Variants in MAF observed in about 807,000 individuals in gnomAD.
MAF encodes the protein transcription factor Maf.
In MAF, 10 loss-of-function variants were observed where a neutral mutation model predicts 22.0. That is an observed-to-expected ratio of 0.45 (90% CI 0.28 to 0.77). MAF has a LOEUF of 0.77. MAF is among the 30% of genes least tolerant of loss of function. The pLI, the probability that MAF is intolerant of heterozygous loss-of-function variation, is 0.12. For synonymous variants in MAF, 337 were observed against 255.8 expected, an observed-to-expected ratio of 1.32 and a Z score of -3.03; for missense variants, 544 against 548.4, an observed-to-expected ratio of 0.99 and a Z score of 0.08.
the MAF span, among the ~76,000 whole-genome samples, chr16:79,255,255 T>C: frequency 6.6e-6 from 1 of 152,252 alleles, no homozygotes; most frequent in African/African-American, 2.4e-5. Flanking sequence ...GCTTTGCCTT[T>C]TCTGTGAAAT....
the MAF span, among the ~76,000 whole-genome samples, chr16:79,325,847 G>A: frequency 1.6e-4 from 24 of 152,282 alleles, no homozygotes; most frequent in East Asian, 4.6e-3. Flanking sequence ...CAGAAGATAC[G>A]TGAAATGATA....
At chr16:79,227,745 CAAAAT>C in the MAF span, among the ~76,000 whole-genome samples, 1 of 151,668 alleles carries the variant, frequency 6.6e-6, no homozygotes, top group African/African-American at 2.4e-5. Flanking sequence ...CATTGGAAAA[CAAAAT>C]AATACATTTT....
the MAF span, among the ~76,000 whole-genome samples, chr16:79,397,812 G>C: frequency 6.6e-6 from 1 of 152,232 alleles, no homozygotes; most frequent in Non-Finnish European, 1.5e-5. Flanking sequence ...ACCCCAGGAA[G>C]TTAGAAGAAC....
At chr16:79,382,640 A>T in the MAF span, among the ~76,000 whole-genome samples, 2 of 152,204 alleles carry the variant, frequency 1.3e-5, no homozygotes, top group Admixed American at 6.5e-5. Flanking sequence ...TTAAAATTGG[A>T]ATTATCCATT....
the MAF span, among the ~76,000 whole-genome samples, chr16:79,577,792 A>G: frequency 6.6e-6 from 1 of 152,244 alleles, no homozygotes; most frequent in African/African-American, 2.4e-5. Flanking sequence ...TTTTGTGATT[A>G]AATATTATGG....
the MAF span, among the ~76,000 whole-genome samples, chr16:79,433,036 G>T: frequency 6.6e-6 from 1 of 152,116 alleles, no homozygotes; most frequent in Non-Finnish European, 1.5e-5. Flanking sequence ...CTTCCTTCAT[G>T]TAACTGACTA....
the MAF span, among the ~76,000 whole-genome samples, chr16:79,418,713 T>C: frequency 2.0e-5 from 3 of 152,188 alleles, no homozygotes; most frequent in Non-Finnish European, 4.4e-5. Context: ...GCCTACCATA[T>C]GTAAGGACAC....
chr16:79,526,002 G>A, the MAF span, among the ~76,000 whole-genome samples: 2 of 152,192 alleles, frequency 1.3e-5, no homozygotes, highest in African/African-American at 4.8e-5. Flanking sequence ...ATGACAGACA[G>A]TAAGTGGCAG....
chr16:79,529,821 T>C, the MAF span, among the ~76,000 whole-genome samples: 3 of 151,990 alleles, frequency 2.0e-5, no homozygotes, highest in African/African-American at 7.2e-5. Context: ...ATTAGCCAGA[T>C]GTGGTGGTGC....
At chr16:79,305,891 T>C in the MAF span, among the ~76,000 whole-genome samples, 2 of 152,186 alleles carry the variant, frequency 1.3e-5, no homozygotes, top group Admixed American at 6.5e-5. Flanking sequence ...TTTGCACTAT[T>C]TGGGACCACA....
At chr16:79,301,602 T>G in the MAF span, among the ~76,000 whole-genome samples, 4 of 81,252 alleles carry the variant, frequency 4.9e-5, no homozygotes, top group African/African-American at 2.0e-4. Context: ...ATGCATTTAT[T>G]CATTTAATTT....
the MAF span, among the ~76,000 whole-genome samples, chr16:79,491,158 G>A: frequency 6.6e-6 from 1 of 152,172 alleles, no homozygotes; most frequent in Admixed American, 6.5e-5. Context: ...CTGATATCCC[G>A]TGGAGCTTAC....
the MAF span, among the ~76,000 whole-genome samples, chr16:79,297,842 G>A: frequency 6.6e-6 from 1 of 152,260 alleles, no homozygotes; most frequent in South Asian, 2.1e-4. Context: ...CCATCTATAG[G>A]GTTGTTCTGT....
chr16:79,258,812 C>A, the MAF span, among the ~76,000 whole-genome samples: 1 of 152,160 alleles, frequency 6.6e-6, no homozygotes, highest in African/African-American at 2.4e-5. Context: ...AAGCCCCCAG[C>A]CCACCCCCAA....
the MAF span, among the ~76,000 whole-genome samples, chr16:79,323,301 T>G: frequency 6.6e-6 from 1 of 151,244 alleles, no homozygotes; most frequent in African/African-American, 2.4e-5. Context: ...AGTTAGAATG[T>G]CACGAATGGT....
chr16:79,467,053 C>A, the MAF span, among the ~76,000 whole-genome samples: 1 of 152,262 alleles, frequency 6.6e-6, no homozygotes, highest in Admixed American at 6.5e-5. Context: ...AAGATCTTTT[C>A]AATATTAGAA....
chr16:79,399,511 A>G, the MAF span, among the ~76,000 whole-genome samples: 81 of 152,214 alleles, frequency 5.3e-4, 1 homozygote, highest in Non-Finnish European at 1.1e-3. Context: ...GCTTCAGCCT[A>G]GTCAGAGGGC....
At chr16:79,567,341 T>C in the MAF span, among the ~76,000 whole-genome samples, 6 of 152,014 alleles carry the variant, frequency 3.9e-5, no homozygotes, top group African/African-American at 1.2e-4. Context: ...ATGCAAATAT[T>C]AGCTAGAGGG....
chr16:79,393,917 T>C, the MAF span, among the ~76,000 whole-genome samples: 2 of 152,216 alleles, frequency 1.3e-5, no homozygotes, highest in African/African-American at 2.4e-5. Flanking sequence ...CCAAGTTGTA[T>C]GCTTTTAAGT....
Sources: allele counts gnomAD v4.1 joint callset (sites outside exome capture counted in the v4.1 genomes callset), GRCh38; gene constraint gnomAD v4.1.1; transcripts MANE v1.5; gene names NCBI Gene and HGNC (gene_info 2026-07-23, HGNC 2026-07-21).